GTF2IRD1: variants seen among roughly 807,000 people sequenced by gnomAD.
GTF2IRD1 encodes general transcription factor II-I repeat domain-containing protein 1.
A neutral mutation model predicts 113.2 loss-of-function variants in GTF2IRD1; 26 were observed. The ratio of observed to expected loss-of-function variants is 0.23; its 90% CI spans 0.17 to 0.32. The LOEUF is 0.32. Ranked by LOEUF, GTF2IRD1 falls within the 10% of genes least tolerant of loss-of-function variation. The pLI, the probability that GTF2IRD1 is intolerant of heterozygous loss-of-function variation, is 1.00. For missense variants in GTF2IRD1, 864 were observed against 1,280.8 expected (o/e 0.67, Z 4.97); for synonymous variants, 484 against 529.1 (o/e 0.91, Z 1.17).
intron 22 of GTF2IRD1, among the ~76,000 whole-genome samples, chr7:74,584,991 G>A (rs191028167): frequency 1.3e-5 from 2 of 152,156 alleles, no homozygotes; most frequent in Non-Finnish European, 2.9e-5. Flanking sequence ...TAGTTGAGAC[G>A]GGGTTTCACC....
intron 9 of GTF2IRD1, among the ~76,000 whole-genome samples, chr7:74,530,372 G>A (rs1215197209): frequency 3.9e-5 from 6 of 152,062 alleles, no homozygotes; most frequent in African/African-American, 1.2e-4. Flanking sequence ...AGAATAAGAC[G>A]AGTCTGAGAG....
chr7:74,561,785 C>A (rs1427368206), intron 22 of GTF2IRD1, among the ~76,000 whole-genome samples: 19 of 151,970 alleles, frequency 1.3e-4, no homozygotes, highest in Non-Finnish European at 2.8e-4. Flanking sequence ...AGGTGGTATT[C>A]TAGAGGAACT....
intron 1 of GTF2IRD1, among the ~76,000 whole-genome samples, chr7:74,461,922 A>C (rs1371577067): frequency 1.3e-5 from 2 of 152,138 alleles, no homozygotes; most frequent in Admixed American, 6.6e-5. Context: ...AGTGAAGGCT[A>C]TGCTATACCA....
chr7:74,488,108 CTA>C (rs1795127411), intron 1 of GTF2IRD1, among the ~76,000 whole-genome samples: 1 of 152,106 alleles, frequency 6.6e-6, no homozygotes, highest in African/African-American at 2.4e-5. Flanking sequence ...CAGTGAGACC[CTA>C]TCTCTAAAAA....
intron 17 of GTF2IRD1, among the ~76,000 whole-genome samples, chr7:74,552,317 G>A (rs587712451): frequency 1.1e-4 from 17 of 152,220 alleles, no homozygotes; most frequent in Admixed American, 2.0e-4. Context: ...TCAGAAGTTC[G>A]AGACCAGCCT....
intron 1 of GTF2IRD1, among the ~76,000 whole-genome samples, chr7:74,477,100 G>A (rs1323885354): frequency 6.6e-6 from 1 of 152,022 alleles, no homozygotes; most frequent in East Asian, 1.9e-4. Flanking sequence ...GTGGTGGATC[G>A]CGCCTGTAAT....
Position 74,592,404 on chromosome 7 carries a change from C to G in GTF2IRD1, c.2591+1387C>G, listed in dbSNP as rs587637280. 4.0e-5 allele frequency among the ~76,000 whole-genome samples: 6 copies of G among 151,476 alleles called. No individual in the cohort carries two copies. In the East Asian group the frequency reaches 1.2e-3, roughly 29 times the overall value. On this transcript the variant is annotated intron_variant, in intron 24 of 26. Transcript: ENST00000424337. ...ACAGGCATGAGTCACCACACCCAGC[C>G]CCCCCTTTTTTTTTGTATTGCACAG... is the stretch of plus-strand genomic sequence containing the variant.
In GTF2IRD1 at chr7:74,530,016, C is replaced by A. The variant is rs1797865755; in HGVS notation, c.1274+99C>A. 7.2e-6 allele frequency: 6 copies of A among 832,792 alleles called. No individual in the cohort carries two copies. In the South Asian group the frequency reaches 8.2e-5, roughly 11 times the overall value. 51.6% of individuals were successfully genotyped at this position (832,792 alleles called of 1,614,324 possible). ...CTTGAGGCCAGGAGTTCGAGACCAGCCTGGTCAACATGGCAAAACCCCGTC... is the reference window on the plus strand; with the variant it reads ...CTTGAGGCCAGGAGTTCGAGACCAGACTGGTCAACATGGCAAAACCCCGTC... On this transcript the variant is annotated intron_variant, in intron 9 of 26. Coordinates refer to ENST00000424337, the MANE Select transcript of GTF2IRD1 (RefSeq NM_005685.4).
At chr7:74,564,131 A>T (rs1188186764) in intron 22 of GTF2IRD1, among the ~76,000 whole-genome samples, 2 of 152,128 alleles carry the variant, frequency 1.3e-5, no homozygotes, top group African/African-American at 4.8e-5. Context: ...AGTTCAAGCG[A>T]TTCGCCTGCC....
In GTF2IRD1 at chr7:74,566,174, C is replaced by G. The variant is rs782272424; in HGVS notation, c.2320+6519C>G. ...CCCCAAGCTTATTAATTTTACATCT[C>G]ACTGTTCTTCTTTCTATAAATTTAC... On this transcript the variant is annotated intron_variant, in intron 22 of 26. Transcript: ENST00000424337. 8.5e-5 allele frequency among the ~76,000 whole-genome samples: 13 copies of G among 152,296 alleles called. No homozygotes were observed. The East Asian group carries it at 2.5e-3, about 29-fold the overall frequency.
chr7:74,543,444 G>A (rs1798741420), intron 14 of GTF2IRD1, among the ~76,000 whole-genome samples: 2 of 152,168 alleles, frequency 1.3e-5, no homozygotes, highest in African/African-American at 4.8e-5. Flanking sequence ...CTGCACTCCA[G>A]CCTGGGTGAC....
At chr7:74,478,450 ATT>A (rs1491317453) in intron 1 of GTF2IRD1, among the ~76,000 whole-genome samples, 5 of 146,866 alleles carry the variant, frequency 3.4e-5, no homozygotes, top group African/African-American at 1.3e-4. Context: ...AAGTTTGAGC[ATT>A]GTGTGTGTGT....
At chr7:74,530,940 G>A (rs1387730912) in intron 9 of GTF2IRD1, among the ~76,000 whole-genome samples, 1 of 151,790 alleles carries the variant, frequency 6.6e-6, no homozygotes, top group Non-Finnish European at 1.5e-5. Context: ...CATGGTGGCA[G>A]GTACCTGTAG....
rs6971814 is a variant in GTF2IRD1, at chr7:74,514,880, G to A, written c.266-561G>A. ...GAGACCAGCCTGGCCAACATGGTGA[G>A]ACCCCATCTCTACTAAAAATACAAA... On this transcript the variant is annotated intron_variant, in intron 3 of 26. Transcript: ENST00000424337. 6.7e-3 allele frequency among the ~76,000 whole-genome samples: 1,015 copies of A among 151,622 alleles called. 11 individuals are homozygous for A. Among genetic ancestry groups the A allele is most frequent in the African/African-American group, 0.024 (979 of 41,348 alleles).
chr7:74,508,645 C>T (rs1238733275), intron 2 of GTF2IRD1, among the ~76,000 whole-genome samples: 6 of 148,104 alleles, frequency 4.1e-5, no homozygotes, highest in African/African-American at 1.3e-4. Context: ...GAGCCGAGGT[C>T]GTGCCATTGT....
chr7:74,515,355 T>C, intron 3 of GTF2IRD1, 86 bp from the exon 4 acceptor site: 1 of 1,539,516 alleles, frequency 6.5e-7, no homozygotes. Context: ...TCTCCGCAGC[T>C]CAGCACAGGG....
rs781895372 is a variant in GTF2IRD1, at chr7:74,512,090, G to A, written c.124-740G>A. ...AAACTGGCCACGCAGAGTGGCTCAC[G>A]CCTGTAATCCCAGCACTTTGGGAGG... On this transcript the variant is annotated intron_variant, in intron 2 of 26. Transcript: ENST00000424337. This position sits in a 1 kb window ranked among gnomAD's most constrained non-coding sequence, Gnocchi z 4.4. Among the ~76,000 whole-genome samples, 2 of 152,140 alleles carry A rather than the reference G, an allele frequency of 1.3e-5. No individual in the cohort carries two copies. The highest frequency in any genetic ancestry group is 2.9e-5 in the Non-Finnish European group (2 of 68,010).
chr7:74,574,850 A>G (rs1418355772), intron 22 of GTF2IRD1, among the ~76,000 whole-genome samples: 1 of 151,594 alleles, frequency 6.6e-6, no homozygotes, highest in Non-Finnish European at 1.5e-5. Flanking sequence ...GCACTTCGGG[A>G]GGCTGAGGTG....
At chr7:74,513,050 A>C in intron 3 of GTF2IRD1, 79 bp downstream of exon 3, 1 of 1,404,714 alleles carries the variant, frequency 7.1e-7, no homozygotes, top group Non-Finnish European at 9.9e-7. Flanking sequence ...TGGGTCCCCA[A>C]CCCTGTCTAG....
Sources: gnomAD v4.1 joint callset for allele counts (sites outside exome capture counted in the v4.1 genomes callset) on GRCh38, gnomAD v4.1.1 for gene constraint, Gnocchi (gnomAD v3.1) non-coding constraint, MANE v1.5 for transcripts, NCBI Gene and HGNC (gene_info 2026-07-23, HGNC 2026-07-21) for gene names.